TPM4: variants seen among roughly 807,000 people sequenced by gnomAD.
TPM4 encodes the protein tropomyosin 4.
A neutral mutation model predicts 35.8 loss-of-function variants in TPM4; 17 were observed. The ratio of observed to expected loss-of-function variants is 0.47; its 90% CI spans 0.32 to 0.71. The LOEUF is 0.71. Among genes scored for constraint, TPM4 ranks in the 30% least tolerant of loss-of-function variants. TPM4 has a pLI of 0.03. For missense variants in TPM4, 240 were observed against 320.9 expected, an observed-to-expected ratio of 0.75 and a Z score of 1.93; for synonymous variants, 120 against 122.9, an observed-to-expected ratio of 0.98 and a Z score of 0.15.
intron 1 of TPM4, chr19:16,081,321 T>G (rs1468031821): frequency 2.7e-6 from 1 of 368,804 alleles, no homozygotes; most frequent in Non-Finnish European, 4.8e-6. Context: ...AGACCAGCAC[T>G]GACATTCATC....
chr19:16,090,286 ATT>A (rs558468300), intron 5 of TPM4, among the ~76,000 whole-genome samples: 124 of 126,890 alleles, frequency 9.8e-4, no homozygotes, highest in African/African-American at 3.1e-3. Context: ...CCAAAACTGT[ATT>A]TTTTTTTTTT....
intron 5 of TPM4, among the ~76,000 whole-genome samples, chr19:16,092,597 G>A (rs555484486): frequency 2.7e-5 from 4 of 150,800 alleles, no homozygotes; most frequent in East Asian, 3.9e-4. Flanking sequence ...GTGCGGTGGC[G>A]CCATCTGGCC....
chr19:16,076,328 CCAG>C, upstream of TPM4: 1 of 1,496,110 alleles, frequency 6.7e-7, no homozygotes, highest in Non-Finnish European at 8.9e-7. Flanking sequence ...GGGGCACTTT[CCAG>C]CAGCTGTGGC....
chr19:16,093,160 T>G, intron 5 of TPM4: 1 of 185,890 alleles, frequency 5.4e-6, no homozygotes, highest in Non-Finnish European at 1.1e-5. Context: ...CAGCCCTCCT[T>G]TTCTTTCTTT....
intron 2 of TPM4, among the ~76,000 whole-genome samples, chr19:16,083,843 C>T (rs572571077): frequency 5.2e-4 from 78 of 150,822 alleles, no homozygotes; most frequent in African/African-American, 1.6e-3. Flanking sequence ...ACTGCAGCCT[C>T]GACCTCCTGG....
At chr19:16,074,098 T>C (rs777510261), upstream of TPM4, among the ~76,000 whole-genome samples, 6 of 150,356 alleles carry the variant, frequency 4.0e-5, no homozygotes, top group Non-Finnish European at 5.9e-5. Flanking sequence ...GGTGAGCACG[T>C]AGCCCAGACA....
chr19:16,069,212 G>A (rs1219471445), intron 2 of TPM4, among the ~76,000 whole-genome samples: 4 of 152,034 alleles, frequency 2.6e-5, no homozygotes, highest in African/African-American at 7.3e-5. Context: ...TGCTTCTGTT[G>A]GGGTGTGTGT....
At position 16,093,590 on chromosome 19, in the gene TPM4, C is replaced by T; in HGVS notation, c.586C>T (p.Leu196=). The change falls in exon 6 of 8, where the codon CTG becomes TTG. Residue 196 remains leucine, a synonymous_variant. Coordinates refer to ENST00000643579, the MANE Select transcript of TPM4 (RefSeq NM_003290.3). ...AGAAATTAAACTTCTGTCTGACAAA[C>T]TGAAAGAGGTGAGTGTGGTGGCACC... is the stretch of plus-strand genomic sequence containing the variant. ...EEEIKLLSDK[L]KEAETRAEFA... The T allele has an allele frequency of 6.2e-7, 1 of 1,614,186 alleles. No individual in the cohort carries two copies. The highest frequency in any genetic ancestry group is 8.5e-7 in the Non-Finnish European group (1 of 1,180,032).
In TPM4 at chr19:16,094,283, T is replaced by C. The variant is rs549207127; in HGVS notation, c.664+530T>C. On this transcript the variant is annotated intron_variant, in intron 7 of 7. Transcript: ENST00000643579. ...GCGCAGTGGCTCAAGCCTGTAATCC[T>C]AGCACTTTGGGAGGCCGAGGCGGGC... 1.4e-3 allele frequency among the ~76,000 whole-genome samples: 207 copies of C among 152,240 alleles called. 1 individual carries two copies. The highest frequency in any genetic ancestry group is 4.8e-3 in the African/African-American group (200 of 41,554).
Position 16,070,652 on chromosome 19 carries a change from T to C in TPM4, c.114+2914T>C, listed in dbSNP as rs1032843810. Reference sequence around the variant, plus strand: ...CCCATGACAGGATTAGAGGTGACTGTACAGGTGGAACCCTTGGCCCGGAGC... The same window carrying C: ...CCCATGACAGGATTAGAGGTGACTGCACAGGTGGAACCCTTGGCCCGGAGC... On this transcript the variant is annotated intron_variant, in intron 2 of 2. Transcript: ENST00000589897. This position sits in a 1 kb window ranked among gnomAD's most constrained non-coding sequence, Gnocchi z 7.4. Among the ~76,000 whole-genome samples, 2 of 152,196 alleles carry C rather than the reference T, an allele frequency of 1.3e-5. No homozygotes were observed. Among genetic ancestry groups the C allele is most frequent in the Non-Finnish European group, 2.9e-5 (2 of 68,018 alleles).
chr19:16,071,540 C>T (rs144151410), upstream of TPM4, among the ~76,000 whole-genome samples: 505 of 152,304 alleles, frequency 3.3e-3, 2 homozygotes, highest in African/African-American at 0.012. Flanking sequence ...TTTCTGAGCC[C>T]TCAGTGTCCT....
At chr19:16,089,699 C>T (rs1457094637) in intron 5 of TPM4, among the ~76,000 whole-genome samples, 23 of 144,132 alleles carry the variant, frequency 1.6e-4, no homozygotes, top group African/African-American at 4.9e-4. Context: ...GACAGAGCTT[C>T]GCTCTGTTGC....
intron 7 of TPM4, among the ~76,000 whole-genome samples, chr19:16,097,100 C>T (rs149285464): frequency 4.0e-3 from 576 of 144,138 alleles, no homozygotes; most frequent in African/African-American, 0.014. Context: ...ATTACAGTCG[C>T]GGACCACCAC....
In TPM4 at chr19:16,079,817, A is replaced by G. The variant is rs191165641; in HGVS notation, c.133-2096A>G. ...CGGGTTCAAGCGATTCTCCTGCCTC[A>G]GCCTCCCAAGTAGCTGGGATTACAG... On this transcript the variant is annotated intron_variant, in intron 1 of 7. Coordinates refer to ENST00000643579, the MANE Select transcript of TPM4 (RefSeq NM_003290.3). 5.8e-4 allele frequency: 103 copies of G among 176,572 alleles called. 1 individual carries two copies. The highest frequency in any genetic ancestry group is 2.3e-3 in the African/African-American group (95 of 42,178). 10.9% of individuals were successfully genotyped at this position (176,572 alleles called of 1,614,324 possible).
chr19:16,100,646 C>T (rs1386701668), intron 7 of TPM4: 2 of 152,256 alleles, frequency 1.3e-5, no homozygotes. Flanking sequence ...ATGGTGAGAC[C>T]CTGTCTCTAG....
intron 2 of TPM4, among the ~76,000 whole-genome samples, chr19:16,068,445 G>A (rs968994577): frequency 1.3e-5 from 2 of 152,140 alleles, no homozygotes; most frequent in African/African-American, 4.8e-5. Flanking sequence ...CAAAGTGCTG[G>A]GATTACAGGC....
rs1346395208 is a variant in TPM4 at position 16,089,067 on chromosome 19, G to C, written c.478G>C (p.Glu160Gln). 1.9e-6 allele frequency: 3 copies of C among 1,614,128 alleles called. No individual in the cohort carries two copies. In the Admixed American group the frequency reaches 5.0e-5, roughly 27 times the overall value. ...CAGAAAATGTGGTGACCTGGAAGAA[G>C]AACTCAAGAATGTTACTAACAATCT... ...SELKCGDLEE[E>Q]LKNVTNNLKS... The change falls in exon 5 of 8, where the codon GAA becomes CAA. Residue 160 changes from glutamate to glutamine, a missense_variant. By Grantham distance (29) the Glu-to-Gln change is conservative (BLOSUM62 2). Coordinates refer to ENST00000643579, the MANE Select transcript of TPM4 (RefSeq NM_003290.3).
chr19:16,094,148 A>G (rs529071465), intron 7 of TPM4, among the ~76,000 whole-genome samples: 3 of 151,920 alleles, frequency 2.0e-5, no homozygotes, highest in South Asian at 4.2e-4. Flanking sequence ...TGCCACTTTC[A>G]GGAGGTAAAA....
intron 1 of TPM4, 53 bp from the exon 2 acceptor site, chr19:16,081,860 A>G: frequency 6.6e-7 from 1 of 1,519,094 alleles, no homozygotes; most frequent in Non-Finnish European, 8.9e-7. Flanking sequence ...GGAGGCTCCC[A>G]CTGGTGGCTG....
Sources: gnomAD v4.1 joint callset for allele counts (sites outside exome capture counted in the v4.1 genomes callset) on GRCh38, gnomAD v4.1.1 for gene constraint, Gnocchi (gnomAD v3.1) non-coding constraint, MANE v1.5 for transcripts, NCBI Gene and HGNC (gene_info 2026-07-23, HGNC 2026-07-21) for gene names.